Variants in TRIM24 observed in about 807,000 individuals in gnomAD.
TRIM24 encodes transcription intermediary factor 1-alpha.
A neutral mutation model predicts 123.9 loss-of-function variants in TRIM24; 29 were observed. The ratio of observed to expected loss-of-function variants is 0.23; its 90% CI spans 0.17 to 0.32. The LOEUF (loss-of-function observed/expected upper bound fraction) is 0.32. Ranked by LOEUF, TRIM24 falls within the 10% of genes least tolerant of loss-of-function variation. The pLI, the probability that TRIM24 is intolerant of heterozygous loss-of-function variation, is 1.00. For missense variants in TRIM24, 932 were observed against 1,295.3 expected, an observed-to-expected ratio of 0.72 and a Z score of 4.31; for synonymous variants, 456 against 461.1, an observed-to-expected ratio of 0.99 and a Z score of 0.14.
At chr7:138,519,096 A>G (rs1796455827) in intron 3 of TRIM24, 93 bp from the exon 4 acceptor site, 13 of 1,457,340 alleles carry the variant, frequency 8.9e-6, no homozygotes, top group Non-Finnish European at 1.2e-5. Flanking sequence ...TAGTGTTTAT[A>G]TCAATAGATG....
intron 1 of TRIM24, among the ~76,000 whole-genome samples, chr7:138,466,524 G>A (rs1317622906): frequency 1.6e-5 from 2 of 127,762 alleles, no homozygotes; most frequent in African/African-American, 3.0e-5. Flanking sequence ...GAGTGCAGTG[G>A]CGCCATCTCA....
intron 1 of TRIM24, among the ~76,000 whole-genome samples, chr7:138,467,887 A>T (rs780218350): frequency 1.1e-4 from 16 of 152,046 alleles, no homozygotes; most frequent in Non-Finnish European, 2.2e-4. Context: ...GCTAAATTCG[A>T]TTATTAAGTA....
chr7:138,476,944 T>C (rs1330653309), intron 1 of TRIM24, among the ~76,000 whole-genome samples: 2 of 152,122 alleles, frequency 1.3e-5, no homozygotes, highest in African/African-American at 4.8e-5. Context: ...ACTGTGCCGA[T>C]GTAAAAAAGG....
At chr7:138,564,447 T>C (rs1176837969) in intron 9 of TRIM24, among the ~76,000 whole-genome samples, 20 of 152,200 alleles carry the variant, frequency 1.3e-4, no homozygotes, top group Admixed American at 1.3e-3. Flanking sequence ...GGAATTTCTA[T>C]CTCCTCTGGC....
At position 138,585,953 on chromosome 7, in the gene TRIM24, G is replaced by A. The variant is rs1798008909; in HGVS notation, c.*1002G>A. 2.0e-6 allele frequency: 1 copy of A among 512,274 alleles called. No individual in the cohort carries two copies. Among genetic ancestry groups the A allele is most frequent in the South Asian group, 1.4e-5 (1 of 70,944 alleles). The allele number at this position is 512,274 out of a possible 1,614,324, so 31.7% of individuals were successfully genotyped here. On this transcript the variant is annotated 3_prime_UTR_variant, in exon 19 of 19. Transcript: ENST00000343526. ...TCTGTCTATAATTTGGAATGAAAAT[G>A]TGTTGTAGGATTTTGGGAGCAGGCA...
At chr7:138,552,266 C>T (rs1584734740) in intron 8 of TRIM24, among the ~76,000 whole-genome samples, 1 of 152,214 alleles carries the variant, frequency 6.6e-6, no homozygotes, top group East Asian at 1.9e-4. Context: ...CTAAATGACA[C>T]ATTTATCAGA....
chr7:138,528,810 G>T (rs1796667734), intron 5 of TRIM24, among the ~76,000 whole-genome samples: 1 of 107,472 alleles, frequency 9.3e-6, no homozygotes, highest in African/African-American at 3.8e-5. Context: ...TTTAGGTAGA[G>T]CATTGATTTT....
chr7:138,474,148 C>T (rs951267889), intron 1 of TRIM24, among the ~76,000 whole-genome samples: 8 of 129,502 alleles, frequency 6.2e-5, no homozygotes, highest in African/African-American at 9.0e-5. Context: ...TTTTTTGAGA[C>T]GGAGTCTTGC....
chr7:138,507,631 A>T (rs1405317390), intron 2 of TRIM24, among the ~76,000 whole-genome samples: 1 of 152,176 alleles, frequency 6.6e-6, no homozygotes, highest in East Asian at 1.9e-4. Flanking sequence ...CCTCATCTGT[A>T]AATATTTTGG....
chr7:138,565,765 A>T (rs1456345755), intron 9 of TRIM24, among the ~76,000 whole-genome samples: 2 of 152,224 alleles, frequency 1.3e-5, no homozygotes, highest in Admixed American at 6.5e-5. Flanking sequence ...GCTAGTTTAA[A>T]TGGCGTGGTG....
chr7:138,578,919 GGT>G (rs1797831562), intron 14 of TRIM24, among the ~76,000 whole-genome samples: 1 of 147,782 alleles, frequency 6.8e-6, no homozygotes, highest in Admixed American at 6.6e-5. Context: ...GCTCCAGTGA[GGT>G]ATATATATAT....
intron 1 of TRIM24, among the ~76,000 whole-genome samples, chr7:138,486,280 G>C (rs1448234763): frequency 6.6e-6 from 1 of 152,124 alleles, no homozygotes; most frequent in African/African-American, 2.4e-5. Flanking sequence ...TTCCCATTCT[G>C]TAGGTTGCCT....
At chr7:138,573,671 A>G (rs374211530) in intron 12 of TRIM24, 29 bp downstream of exon 12, 110 of 1,584,368 alleles carry the variant, frequency 6.9e-5, no homozygotes, top group Admixed American at 1.9e-5. Context: ...GATTTTTGTG[A>G]AAGTTTTTCT....
intron 9 of TRIM24, among the ~76,000 whole-genome samples, chr7:138,555,595 A>T (rs4535683): frequency 1.3e-5 from 2 of 150,112 alleles, no homozygotes; most frequent in Non-Finnish European, 3.0e-5. Flanking sequence ...CGATTCTCCC[A>T]CCTCAGCCTC....
At chr7:138,580,210 G>A (rs924681501) in intron 15 of TRIM24, among the ~76,000 whole-genome samples, 20 of 152,098 alleles carry the variant, frequency 1.3e-4, no homozygotes, top group Non-Finnish European at 2.9e-4. Flanking sequence ...AACAAGAATA[G>A]TACAAAGAGC....
Position 138,577,600 on chromosome 7 carries a change from T to C in TRIM24, c.2256+12T>C. ...CTAGGCCTCAAAATGTAATTATGAA[T>C]GCTTGCAATGCTATTCCTATGCATG... is the stretch of plus-strand genomic sequence containing the variant. On this transcript the variant is annotated intron_variant, in intron 14 of 18. Coordinates refer to ENST00000343526, the MANE Select transcript of TRIM24 (RefSeq NM_015905.3). 1 of 1,590,832 alleles carries C rather than the reference T, an allele frequency of 6.3e-7. No individual in the cohort carries two copies. Among genetic ancestry groups the C allele is most frequent in the African/African-American group, 1.4e-5 (1 of 73,568 alleles).
chr7:138,511,635 C>T (rs565177850), intron 2 of TRIM24, among the ~76,000 whole-genome samples: 1 of 152,260 alleles, frequency 6.6e-6, no homozygotes, highest in East Asian at 1.9e-4. Flanking sequence ...GAACTCACTA[C>T]CATGAGAACA....
At chr7:138,580,758 C>G (rs1797876714) in intron 16 of TRIM24, 64 bp downstream of exon 16, 4 of 1,480,434 alleles carry the variant, frequency 2.7e-6, no homozygotes, top group Admixed American at 4.1e-5. Context: ...TACCTTTTGT[C>G]AAAGAGGTGT....
At chr7:138,553,592 A>G (rs964219258) in intron 8 of TRIM24, among the ~76,000 whole-genome samples, 5 of 152,328 alleles carry the variant, frequency 3.3e-5, no homozygotes, top group Admixed American at 1.3e-4. Flanking sequence ...AAGCCAGTCA[A>G]TGTATTCTGT....
Sources: gnomAD v4.1 joint callset for allele counts (sites outside exome capture counted in the v4.1 genomes callset) on GRCh38, gnomAD v4.1.1 for gene constraint, MANE v1.5 for transcripts, NCBI Gene and HGNC (gene_info 2026-07-23, HGNC 2026-07-21) for gene names.